HTR2C: variants seen among roughly 807,000 people sequenced by gnomAD.
HTR2C encodes the protein 5-hydroxytryptamine receptor 2C.
Under a neutral mutation model 21.0 loss-of-function variants are expected in HTR2C, and 5 were observed. That is an observed-to-expected ratio of 0.24 (90% confidence interval 0.12 to 0.50). The LOEUF (loss-of-function observed/expected upper bound fraction) is 0.50. Ranked by LOEUF, HTR2C falls within the 20% of genes least tolerant of loss-of-function variation. The probability of loss-of-function intolerance (pLI) is 0.98; values close to 1 mark genes in which losing one functional copy is unlikely to be tolerated. For synonymous variants in HTR2C, 150 were observed against 145.3 expected (o/e 1.03, Z -0.23); for missense variants, 271 against 371.2 (o/e 0.73, Z 2.22).
At chrX:114,863,390 C>G (rs981651724) in intron 5 of HTR2C, among the ~76,000 whole-genome samples, 1 of 111,437 alleles carries the variant, frequency 9.0e-6, no homozygotes, top group Non-Finnish European at 1.9e-5. Context: ...TCCCTTTTGA[C>G]CCATTGGTTG....
chrX:114,799,707 G>A (rs966627247), intron 4 of HTR2C, among the ~76,000 whole-genome samples: 2 of 110,332 alleles, frequency 1.8e-5, no homozygotes, highest in East Asian at 5.7e-4. Flanking sequence ...CACTTACTTT[G>A]AATTACAGAA....
chrX:114,798,259 C>A (rs1161426373), intron 4 of HTR2C, among the ~76,000 whole-genome samples: 1 of 110,650 alleles, frequency 9.0e-6, no homozygotes, highest in Admixed American at 9.7e-5. Flanking sequence ...TCTAATGACA[C>A]AGAGCTAAGT....
At chrX:114,682,103 A>C (rs1044014673) in intron 2 of HTR2C, among the ~76,000 whole-genome samples, 2 of 111,591 alleles carry the variant, frequency 1.8e-5, no homozygotes, top group African/African-American at 6.5e-5. Context: ...AAATGTATAC[A>C]TGCCATTAAG....
chrX:114,649,059 G>C (rs1451336332), intron 2 of HTR2C, among the ~76,000 whole-genome samples: 2 of 111,857 alleles, frequency 1.8e-5, no homozygotes, highest in Non-Finnish European at 3.8e-5. Flanking sequence ...GGCTCCAAGA[G>C]AACAGCAGTA....
chrX:114,679,172 T>TA (rs1453885367), intron 2 of HTR2C, among the ~76,000 whole-genome samples: 1 of 111,706 alleles, frequency 9.0e-6, no homozygotes, highest in African/African-American at 3.3e-5. Flanking sequence ...TCTTATTCCA[T>TA]ACTTAATAGG....
intron 2 of HTR2C, among the ~76,000 whole-genome samples, chrX:114,651,257 T>A (rs1425185991): frequency 8.9e-6 from 1 of 111,774 alleles, no homozygotes; most frequent in Admixed American, 9.5e-5. Context: ...AACAAAGATG[T>A]TTAATATTAG....
At chrX:114,864,817 G>C (rs1204916861) in intron 5 of HTR2C, among the ~76,000 whole-genome samples, 10 of 110,903 alleles carry the variant, frequency 9.0e-5, no homozygotes, top group Non-Finnish European at 1.5e-4. Context: ...ATTTCTGAAG[G>C]ACAGCATTGC....
Position 114,731,312 on chromosome X carries a change from A to G in HTR2C, c.54A>G (p.Leu18=). The change falls in exon 4 of 6, where the codon CTA becomes CTG. Residue 18 remains leucine (L), a synonymous_variant. Transcript: ENST00000276198. The part of the protein sequence containing the change: ...VHSFLVHLIG[L]LVWQSDISVS... Reference sequence around the variant, plus strand: ...TTTTCAGTGTGCACCTAATTGGCCTATTGGTTTGGCAATCTGATATTTCTG... The same window carrying G: ...TTTTCAGTGTGCACCTAATTGGCCTGTTGGTTTGGCAATCTGATATTTCTG... The G allele has an allele frequency of 8.4e-7, 1 of 1,194,691 alleles. No homozygotes were observed. The highest frequency in any genetic ancestry group is 1.8e-5 in the South Asian group (1 of 55,322).
At chrX:114,807,388 C>CAT (rs1158678537) in intron 4 of HTR2C, among the ~76,000 whole-genome samples, 1 of 29,165 alleles carries the variant, frequency 3.4e-5, no homozygotes, top group African/African-American at 7.8e-5. Context: ...ATATATACGC[C>CAT]ATATCTATAC....
At chrX:114,882,986 G>A (rs1445519677) in intron 5 of HTR2C, among the ~76,000 whole-genome samples, 2 of 109,536 alleles carry the variant, frequency 1.8e-5, no homozygotes, top group African/African-American at 6.6e-5. Flanking sequence ...TCATCTTTAT[G>A]GCCATAAGTT....
intron 4 of HTR2C, among the ~76,000 whole-genome samples, chrX:114,836,883 A>C (rs908666086): frequency 8.9e-6 from 1 of 112,226 alleles, no homozygotes; most frequent in Non-Finnish European, 1.9e-5. Context: ...TTTTATGTAC[A>C]CAATCATGTT....
At chrX:114,789,093 C>A (rs2070206349) in intron 4 of HTR2C, among the ~76,000 whole-genome samples, 1 of 112,063 alleles carries the variant, frequency 8.9e-6, no homozygotes, top group African/African-American at 3.2e-5. Context: ...TTACAGTTCT[C>A]AAGAAAGCTG....
chrX:114,663,084 T>G (rs1931049051), intron 2 of HTR2C, among the ~76,000 whole-genome samples: 1 of 111,684 alleles, frequency 9.0e-6, no homozygotes, highest in Non-Finnish European at 1.9e-5. Flanking sequence ...GAACCCAACT[T>G]AGTTCTTGAA....
chrX:114,706,751 T>C (rs893578255), intron 2 of HTR2C, among the ~76,000 whole-genome samples: 3 of 110,167 alleles, frequency 2.7e-5, no homozygotes. Context: ...GAAAAAAGTA[T>C]GGTCTATAAA....
chrX:114,598,477 T>C lies in HTR2C; in HGVS notation c.-147+13818T>C, dbSNP rs1602625608. Among the ~76,000 whole-genome samples, 3 of 111,573 alleles carry C rather than the reference T, an allele frequency of 2.7e-5. No individual in the cohort carries two copies. The East Asian group carries it at 8.4e-4, about 31-fold the overall frequency. On this transcript the variant is annotated intron_variant, in intron 1 of 5. Coordinates refer to ENST00000276198, the MANE Select transcript of HTR2C (RefSeq NM_000868.4). The stretch of plus-strand genomic sequence containing the variant: ...TGAGTGCCTTTTGTGTGTTTAGCAA[T>C]GTATTAGATTATTTGAATGATGCCA...
intron 4 of HTR2C, among the ~76,000 whole-genome samples, chrX:114,746,570 T>C (rs781803992): frequency 1.8e-5 from 2 of 110,683 alleles, no homozygotes; most frequent in South Asian, 7.7e-4. Context: ...ATAAAAACGA[T>C]CAATTAGGCT....
chrX:114,798,445 A>G (rs1556445885), intron 4 of HTR2C, among the ~76,000 whole-genome samples: 1 of 111,760 alleles, frequency 8.9e-6, no homozygotes, highest in Admixed American at 9.6e-5. Context: ...TTAATGTCAG[A>G]AAATCATGTA....
At chrX:114,609,705 A>T (rs1332277816) in intron 1 of HTR2C, among the ~76,000 whole-genome samples, 4 of 112,390 alleles carry the variant, frequency 3.6e-5, no homozygotes, top group Non-Finnish European at 7.5e-5. Context: ...GGGGATATGT[A>T]TGTATGCTTT....
At chrX:114,592,654 C>T (rs1927681113) in intron 1 of HTR2C, among the ~76,000 whole-genome samples, 1 of 112,060 alleles carries the variant, frequency 8.9e-6, no homozygotes, top group South Asian at 3.7e-4. Context: ...TTCCCCATTT[C>T]AGTCCATTAA....
Sources: allele counts gnomAD v4.1 joint callset (sites outside exome capture counted in the v4.1 genomes callset), GRCh38; gene constraint gnomAD v4.1.1; transcripts MANE v1.5; gene names NCBI Gene and HGNC (gene_info 2026-07-23, HGNC 2026-07-21).